AP4M1: variants seen among roughly 807,000 people sequenced by gnomAD.
The protein encoded by AP4M1 is AP-4 complex subunit mu-1.
A neutral mutation model predicts 62.4 loss-of-function variants in AP4M1; 58 were observed. The observed-to-expected ratio is 0.93, with a 90% CI of 0.75 to 1.16. The LOEUF (loss-of-function observed/expected upper bound fraction) is 1.16. Among genes scored for constraint, AP4M1 ranks in the 50% most tolerant of loss-of-function variants. The probability of loss-of-function intolerance (pLI) is 0.00; values close to 1 mark genes in which losing one functional copy is unlikely to be tolerated. For synonymous variants in AP4M1, 290 were observed against 239.7 expected, an observed-to-expected ratio of 1.21 and a Z score of -1.94; for missense variants, 626 against 585.4, an observed-to-expected ratio of 1.07 and a Z score of -0.72.
chr7:100,107,975 G>A lies in AP4M1; in HGVS notation c.*1093G>A. 2 of 1,614,076 alleles carry A rather than the reference G, an allele frequency of 1.2e-6. No individual in the cohort carries two copies. Among genetic ancestry groups the A allele is most frequent in the Non-Finnish European group, 1.7e-6 (2 of 1,179,992 alleles). ...GGACGATGACATTACAATAAACTTG[G>A]TTGGAGGAGGGGAAGGCTGTGGTGG... On this transcript the variant is annotated 3_prime_UTR_variant, in exon 15 of 15. Coordinates refer to ENST00000359593, the MANE Select transcript of AP4M1 (RefSeq NM_004722.4).
rs1796613503 is a variant in AP4M1 at position 100,107,281 on chromosome 7, G to A, written c.*399G>A. ...GGCTGAGGGGAGCCGGAGTTGGGCT[G>A]GGAGCCATTGGCTTTTGGAGTCCCT... On this transcript the variant is annotated 3_prime_UTR_variant, in exon 15 of 15. Transcript: ENST00000359593. The A allele has an allele frequency of 6.6e-7, 1 of 1,524,498 alleles. No individual in the cohort carries two copies. The highest frequency in any genetic ancestry group is 8.8e-7 in the Non-Finnish European group (1 of 1,139,200). 94.4% of individuals were successfully genotyped at this position (1,524,498 alleles called of 1,614,324 possible). A position where few individuals can be genotyped will look rare whatever the true frequency, so the allele number is the denominator to read the frequency against.
Position 100,103,396 on chromosome 7 carries a change from C to T in AP4M1, c.352-13C>T. 3.7e-6 allele frequency: 6 copies of T among 1,609,154 alleles called. No individual in the cohort carries two copies. Among genetic ancestry groups the T allele is most frequent in the Non-Finnish European group, 4.3e-6 (5 of 1,175,578 alleles). ...TCCACTGATCACTCAGACTGTCCTTCCTTTACCACTAGGACTATGGCTATG... is the reference window on the plus strand; with the variant it reads ...TCCACTGATCACTCAGACTGTCCTTTCTTTACCACTAGGACTATGGCTATG... On this transcript the variant is annotated splice_polypyrimidine_tract_variant and intron_variant, in intron 4 of 14. Transcript: ENST00000359593.
In AP4M1 at chr7:100,101,643, C is replaced by T; in HGVS notation, c.-72C>T. Reference sequence around the variant, plus strand: ...CTTAAAGGGCCAGCGCACACGCGTTCTTTTGTTCCGGGGCCGCAGGGCGGG... The same window carrying T: ...CTTAAAGGGCCAGCGCACACGCGTTTTTTTGTTCCGGGGCCGCAGGGCGGG... On this transcript the variant is annotated 5_prime_UTR_variant, in exon 1 of 15. Transcript: ENST00000359593. 1.4e-6 allele frequency: 2 copies of T among 1,473,718 alleles called. No homozygotes were observed. Among genetic ancestry groups the T allele is most frequent in the Admixed American group, 1.7e-5 (1 of 59,674 alleles). The allele number at this position is 1,473,718 out of a possible 1,614,324, so 91.3% of individuals were successfully genotyped here.
rs568985073 is a variant in AP4M1 at position 100,103,077 on chromosome 7, T to C, written c.351+117T>C. The C allele has an allele frequency of 2.2e-5, 21 of 963,260 alleles. No homozygotes were observed. In the African/African-American group the frequency reaches 3.0e-4, roughly 14 times the overall value. The allele number at this position is 963,260 out of a possible 1,614,324, so 59.7% of individuals were successfully genotyped here. A position where few individuals can be genotyped will look rare whatever the true frequency, so the allele number is the denominator to read the frequency against. ...CAAGTCTACCTTTTTTTTTTTTTTT[T>C]TTTTTGCTTTTAGAGACAGGGTCTT... On this transcript the variant is annotated intron_variant, in intron 4 of 14. Transcript: ENST00000359593.
intron 10 of AP4M1, 25 bp from the exon 11 acceptor site, chr7:100,105,420 A>G (rs1402457849): frequency 1.9e-6 from 3 of 1,612,888 alleles, no homozygotes; most frequent in Non-Finnish European, 2.5e-6. Context: ...GACCAAACTA[A>G]CCTTGTTGCT....
chr7:100,106,600 T>A, intron 14 of AP4M1, 58 bp from the exon 15 acceptor site: 2 of 1,484,356 alleles, frequency 1.3e-6, no homozygotes, highest in Non-Finnish European at 1.8e-6. Flanking sequence ...GCTGCCTGGT[T>A]CCCCCAGCGT....
Position 100,106,864 on chromosome 7 carries a change from C to T in AP4M1, c.1344C>T (p.Ala448=), listed in dbSNP as rs57403878. ...KWVRHLSHSD[A]YVIRI ...TGCGACACCTAAGCCACAGCGACGCCTATGTCATTCGGATCTGAGGCTCCC... is the reference window on the plus strand; with the variant it reads ...TGCGACACCTAAGCCACAGCGACGCTTATGTCATTCGGATCTGAGGCTCCC... Residue 448 remains alanine (A), a synonymous_variant, in exon 15 of 15, where the codon GCC becomes GCT. Coordinates refer to ENST00000359593, the MANE Select transcript of AP4M1 (RefSeq NM_004722.4). The T allele has an allele frequency of 6.9e-4, 1,107 of 1,613,410 alleles. 11 individuals are homozygous for T. In the African/African-American group the frequency reaches 0.013, roughly 19 times the overall value.
chr7:100,104,165 G>C lies in AP4M1; in HGVS notation c.606+11G>C. On this transcript the variant is annotated intron_variant, in intron 7 of 14. Coordinates refer to ENST00000359593, the MANE Select transcript of AP4M1 (RefSeq NM_004722.4). ...CTGATAGCATCTAATGTAAGTTTGA[G>C]CTCCCAAACCTGGAGCTGAGGACAG... The C allele has an allele frequency of 6.2e-7, 1 of 1,613,316 alleles. No individual in the cohort carries two copies. The highest frequency in any genetic ancestry group is 8.5e-7 in the Non-Finnish European group (1 of 1,179,402).
rs556532433 is a variant in AP4M1 at position 100,107,164 on chromosome 7, C to T, written c.*282C>T. ...AAGGAAGCAATCTACAACTTCCTTC[C>T]GCTTAGCGAGCATGCATGTGTGTAC... On this transcript the variant is annotated 3_prime_UTR_variant, in exon 15 of 15. Coordinates refer to ENST00000359593, the MANE Select transcript of AP4M1 (RefSeq NM_004722.4). The T allele has an allele frequency of 3.3e-5, 50 of 1,503,036 alleles. No homozygotes were observed. The African/African-American group carries it at 4.5e-4, about 13-fold the overall frequency. 93.1% of individuals were successfully genotyped at this position (1,503,036 alleles called of 1,614,324 possible). A position where few individuals can be genotyped will look rare whatever the true frequency, so the allele number is the denominator to read the frequency against.
chr7:100,103,231 C>G, intron 4 of AP4M1, 178 bp from the exon 5 acceptor site: 1 of 700,834 alleles, frequency 1.4e-6, no homozygotes, highest in African/African-American at 1.8e-5. Flanking sequence ...TTTGTAGAGA[C>G]TAGAGTCTCA....
intron 12 of AP4M1, 83 bp from the exon 13 acceptor site, chr7:100,106,158 G>A (rs193261721): frequency 1.9e-6 from 3 of 1,575,226 alleles, no homozygotes; most frequent in East Asian, 2.2e-5. Flanking sequence ...CACCTGTGCT[G>A]AAATCCTGTT....
At chr7:100,101,559 G>C (rs533370300), upstream of AP4M1, 36 of 849,788 alleles carry the variant, frequency 4.2e-5, 1 homozygote, top group East Asian at 4.4e-4. Context: ...CTCCGGGCGG[G>C]GTAGTGCAGG....
At chr7:100,101,131 C>G (rs1485017794), upstream of AP4M1, 2 of 1,153,044 alleles carry the variant, frequency 1.7e-6, no homozygotes, top group Non-Finnish European at 2.5e-6. Context: ...CAGGCCGCAG[C>G]TCGACCCTGC....
chr7:100,104,941 G>T lies in AP4M1; in HGVS notation c.673+1G>T. ...AAGAGCTTCCTTCCTAGCGGCTCTG[G>T]TGAGGCATCTGCAGGCAGGACCAAG... is the stretch of plus-strand genomic sequence containing the variant. On this transcript the variant is annotated splice_donor_variant, in intron 8 of 14. Coordinates refer to ENST00000359593, the MANE Select transcript of AP4M1 (RefSeq NM_004722.4). LOFTEE classifies it high-confidence loss of function. 6.2e-7 allele frequency: 1 copy of T among 1,614,194 alleles called. No homozygotes were observed. The highest frequency in any genetic ancestry group is 8.5e-7 in the Non-Finnish European group (1 of 1,180,036).
Position 100,103,527 on chromosome 7 carries a change from G to A in AP4M1, c.462+8G>A, listed in dbSNP as rs1287410981. 1.2e-6 allele frequency: 2 copies of A among 1,614,132 alleles called. No homozygotes were observed. The highest frequency in any genetic ancestry group is 2.2e-5 in the South Asian group (2 of 91,080). On this transcript the variant is annotated splice_region_variant and intron_variant, in intron 5 of 14. Coordinates refer to ENST00000359593, the MANE Select transcript of AP4M1 (RefSeq NM_004722.4). ...CTCAGCAGCGTTGGCTTGGTCAGTA[G>A]AGGGAAAGAGGAGGGTGAGGAAAGA...
chr7:100,100,860 C>T (rs1171815869), upstream of AP4M1: 6 of 1,032,380 alleles, frequency 5.8e-6, no homozygotes, highest in Non-Finnish European at 7.0e-6. Context: ...CTGCCCGCCC[C>T]CGGGGCCTAC....
Position 100,106,769 on chromosome 7 carries a change from TCTGGCCTCCAGGTCCGATTCCTCAGG to T in AP4M1, c.1257_1282del (p.Val421AlafsTer98), listed in dbSNP as rs977969791. 4 of 1,613,944 alleles carry T rather than the reference TCTGGCCTCCAGGTCCGATTCCTCAGG, an allele frequency of 2.5e-6. No homozygotes were observed. Among genetic ancestry groups the T allele is most frequent in the Admixed American group, 1.7e-5 (1 of 60,006 alleles). ...CTTCGAGCTTCCCCGGCACACGTGC[TCTGGCCTCCAGGTCCGATTCCTCAGG>T]CTGGCCTTCAGGCCATGCGGCAATG... On this transcript the variant is annotated frameshift_variant, in exon 15 of 15. Coordinates refer to ENST00000359593, the MANE Select transcript of AP4M1 (RefSeq NM_004722.4). LOFTEE classifies it high-confidence loss of function.
intron 11 of AP4M1, 111 bp from the exon 12 acceptor site, chr7:100,105,848 C>T (rs1209137647): frequency 1.5e-6 from 2 of 1,314,302 alleles, no homozygotes; most frequent in African/African-American, 1.5e-5. Context: ...CCTTTTCCCT[C>T]TTGGGAGTAC....
chr7:100,102,434 C>T, intron 2 of AP4M1: 2 of 563,322 alleles, frequency 3.6e-6, no homozygotes, highest in South Asian at 4.0e-5. Flanking sequence ...AGTCAATGGG[C>T]GCCAGCAACA....
Sources: allele counts gnomAD v4.1 joint callset, GRCh38; gene constraint gnomAD v4.1.1; transcripts MANE v1.5; gene names NCBI Gene and HGNC (gene_info 2026-07-23, HGNC 2026-07-21).